HMBOX1: variants seen among roughly 807,000 people sequenced by gnomAD.
HMBOX1 encodes the protein homeobox-containing protein 1.
A neutral mutation model predicts 54.5 loss-of-function variants in HMBOX1; 14 were observed. That is an observed-to-expected ratio of 0.26 (90% CI 0.17 to 0.40). HMBOX1 has a LOEUF of 0.40. Ranked by LOEUF, HMBOX1 falls within the 10% of genes least tolerant of loss-of-function variation. The pLI is 1.00. For synonymous variants in HMBOX1, 160 were observed against 181.0 expected (o/e 0.88, Z 0.93); for missense variants, 332 against 514.4 (o/e 0.65, Z 3.43).
At chr8:28,892,698 A>G (rs1811259286) in intron 1 of HMBOX1, among the ~76,000 whole-genome samples, 1 of 152,182 alleles carries the variant, frequency 6.6e-6, no homozygotes, top group Non-Finnish European at 1.5e-5. Context: ...AGGGGGACTG[A>G]AAGAGTGAGG....
At chr8:28,947,848 G>A (rs932224191) in intron 1 of HMBOX1, among the ~76,000 whole-genome samples, 1 of 151,982 alleles carries the variant, frequency 6.6e-6, no homozygotes, top group African/African-American at 2.4e-5. Context: ...CAGTTTCTTT[G>A]AAACTGATAG....
At chr8:28,951,984 CA>C (rs1823501156) in intron 1 of HMBOX1, among the ~76,000 whole-genome samples, 1 of 151,976 alleles carries the variant, frequency 6.6e-6, no homozygotes, top group South Asian at 2.1e-4. Flanking sequence ...CCAGCCTGGG[CA>C]ACATAGTTGG....
At chr8:28,893,357 C>G (rs982183085) in intron 1 of HMBOX1, among the ~76,000 whole-genome samples, 13 of 152,182 alleles carry the variant, frequency 8.5e-5, no homozygotes, top group Admixed American at 6.5e-4. Context: ...CTTACAATTT[C>G]ATCCCGTAAC....
chr8:29,019,789 T>C (rs1238300739), intron 6 of HMBOX1, among the ~76,000 whole-genome samples: 1 of 152,234 alleles, frequency 6.6e-6, no homozygotes, highest in Non-Finnish European at 1.5e-5. Flanking sequence ...CTAAGACTTT[T>C]GCCATCTCTC....
In HMBOX1 at chr8:28,996,363, G is replaced by A. The variant is rs149545075; in HGVS notation, c.587-12709G>A. ...ATCTGATAAATCGCTTATCAGATATGTCCCTTAGCAGATGGAGTGTTTGCA... is the reference window on the plus strand; with the variant it reads ...ATCTGATAAATCGCTTATCAGATATATCCCTTAGCAGATGGAGTGTTTGCA... On this transcript the variant is annotated intron_variant, in intron 4 of 9. Transcript: ENST00000287701. 4.6e-4 allele frequency among the ~76,000 whole-genome samples: 70 copies of A among 152,230 alleles called. 1 individual carries two copies. Among genetic ancestry groups the A allele is most frequent in the African/African-American group, 1.6e-3 (68 of 41,530 alleles).
At chr8:28,973,814 T>G (rs79502361) in intron 3 of HMBOX1, among the ~76,000 whole-genome samples, 11 of 20,480 alleles carry the variant, frequency 5.4e-4, no homozygotes, top group East Asian at 2.4e-3. Context: ...TTTTTTTTTT[T>G]TTTTTTTTTT....
intron 1 of HMBOX1, among the ~76,000 whole-genome samples, chr8:28,933,887 A>T (rs1020989859): frequency 6.6e-6 from 1 of 152,198 alleles, no homozygotes; most frequent in Non-Finnish European, 1.5e-5. Flanking sequence ...TGTTCTTCCA[A>T]ATATTTAAGG....
At chr8:29,010,169 C>T (rs1834042246) in intron 5 of HMBOX1, 14 of 970,056 alleles carry the variant, frequency 1.4e-5, no homozygotes, top group African/African-American at 1.8e-5. Context: ...AAAATCTATT[C>T]TGACTCCCAG....
chr8:28,927,281 T>C (rs973056085), intron 1 of HMBOX1, among the ~76,000 whole-genome samples: 3 of 152,084 alleles, frequency 2.0e-5, no homozygotes, highest in African/African-American at 7.2e-5. Context: ...TCCACAAAAA[T>C]TAAAAAGAAA....
At chr8:28,954,024 T>C (rs1223642968) in intron 1 of HMBOX1, among the ~76,000 whole-genome samples, 2 of 152,200 alleles carry the variant, frequency 1.3e-5, no homozygotes, top group East Asian at 3.8e-4. Flanking sequence ...CTTTTCTTTT[T>C]ATCCTGCTGG....
rs778280185 is a variant in HMBOX1, at chr8:29,026,595, A to G, written c.851+7682A>G. The stretch of plus-strand genomic sequence containing the variant: ...GAAGCTTCACATATACTTACCCTCC[A>G]TATTTAATCCTCACTGCAGGCCTGG... On this transcript the variant is annotated intron_variant, in intron 6 of 9. Coordinates refer to ENST00000287701, the MANE Select transcript of HMBOX1 (RefSeq NM_001135726.3). Among the ~76,000 whole-genome samples the G allele has an allele frequency of 2.0e-5, 3 of 152,210 alleles. No individual in the cohort carries two copies. In the South Asian group the frequency reaches 6.2e-4, roughly 32 times the overall value.
chr8:29,036,955 T>C (rs910413369), intron 6 of HMBOX1, among the ~76,000 whole-genome samples: 2 of 152,248 alleles, frequency 1.3e-5, no homozygotes, highest in African/African-American at 4.8e-5. Context: ...AGCTGTGTTA[T>C]GCGATTCCAT....
At chr8:28,954,731 C>G (rs936416090) in intron 1 of HMBOX1, among the ~76,000 whole-genome samples, 8 of 152,080 alleles carry the variant, frequency 5.3e-5, no homozygotes, top group Non-Finnish European at 1.2e-4. Flanking sequence ...GTGTTTTACC[C>G]TAATGATGTA....
chr8:28,965,303 A>G (rs1418059161), intron 2 of HMBOX1, among the ~76,000 whole-genome samples: 1 of 152,208 alleles, frequency 6.6e-6, no homozygotes, highest in Non-Finnish European at 1.5e-5. Context: ...TTGTACTTGG[A>G]TTTTTGTCAC....
At chr8:28,896,009 C>T (rs962948045) in intron 1 of HMBOX1, among the ~76,000 whole-genome samples, 3 of 152,160 alleles carry the variant, frequency 2.0e-5, no homozygotes, top group African/African-American at 4.8e-5. Flanking sequence ...AGTGGCTCCT[C>T]AGACTTTGAC....
chr8:29,030,179 G>GTT lies in HMBOX1; in HGVS notation c.851+11281_851+11282dup, dbSNP rs372951537. Among the ~76,000 whole-genome samples the GTT allele has an allele frequency of 1.4e-3, 194 of 136,960 alleles. 1 individual carries two copies. Among genetic ancestry groups the GTT allele is most frequent in the South Asian group, 3.9e-3 (17 of 4,322 alleles). The allele number at this position is 136,960 out of a possible 152,430, so 89.9% of individuals were successfully genotyped here. A position where few individuals can be genotyped will look rare whatever the true frequency, so the allele number is the denominator to read the frequency against. ...TTTCTGAATAAAGTATTAGGTTCCA[G>GTT]TTTTTTTTTTTTTTTTCATGTAAAA... On this transcript the variant is annotated intron_variant, in intron 6 of 9. Transcript: ENST00000287701.
intron 1 of HMBOX1, among the ~76,000 whole-genome samples, chr8:28,934,771 A>G (rs1046431558): frequency 6.6e-6 from 1 of 152,006 alleles, no homozygotes; most frequent in African/African-American, 2.4e-5. Context: ...TAAAAATACA[A>G]GAAAAATTAG....
intron 1 of HMBOX1, among the ~76,000 whole-genome samples, chr8:28,930,681 A>G (rs1819333611): frequency 6.6e-6 from 1 of 152,088 alleles, no homozygotes; most frequent in Non-Finnish European, 1.5e-5. Flanking sequence ...CATCTTTGTT[A>G]TAGCAATTCC....
intron 1 of HMBOX1, among the ~76,000 whole-genome samples, chr8:28,956,471 T>C (rs1435612414): frequency 1.3e-5 from 2 of 152,176 alleles, no homozygotes; most frequent in East Asian, 3.8e-4. Context: ...GTCTTTATTC[T>C]GCCTGATACT....
Sources: gnomAD v4.1 joint callset for allele counts (sites outside exome capture counted in the v4.1 genomes callset) on GRCh38, gnomAD v4.1.1 for gene constraint, MANE v1.5 for transcripts, NCBI Gene and HGNC (gene_info 2026-07-23, HGNC 2026-07-21) for gene names.